Variants in VEPH1 observed in about 807,000 individuals in gnomAD.
VEPH1 encodes ventricular zone-expressed PH domain-containing protein homolog 1.
VEPH1 carries 80 observed loss-of-function variants against 85.2 expected under a neutral mutation model. That is an observed-to-expected ratio of 0.94 (90% confidence interval 0.78 to 1.13). The LOEUF is 1.13. VEPH1 is among the 50% of genes most tolerant of loss of function. The pLI is 0.00. For missense variants in VEPH1, 955 were observed against 980.5 expected, an observed-to-expected ratio of 0.97 and a Z score of 0.35; for synonymous variants, 297 against 348.0, an observed-to-expected ratio of 0.85 and a Z score of 1.63.
intron 12 of VEPH1, among the ~76,000 whole-genome samples, chr3:157,281,952 C>A (rs1367527167): frequency 6.6e-6 from 1 of 152,054 alleles, no homozygotes; most frequent in Non-Finnish European, 1.5e-5. Context: ...TGGGCTAGGT[C>A]CTCTCAGAGG....
At chr3:157,357,212 G>A (rs889387564) in intron 9 of VEPH1, among the ~76,000 whole-genome samples, 35 of 151,952 alleles carry the variant, frequency 2.3e-4, no homozygotes, top group African/African-American at 8.5e-4. Flanking sequence ...GCCTCTATTT[G>A]TTAGCAAGGT....
chr3:157,500,500 T>A (rs1318057180), intron 1 of VEPH1, among the ~76,000 whole-genome samples: 2 of 152,188 alleles, frequency 1.3e-5, no homozygotes. Context: ...TGGTGATCAA[T>A]CATATTTTTA....
chr3:157,393,657 TAA>T (rs1305147305), intron 6 of VEPH1, among the ~76,000 whole-genome samples: 1 of 152,126 alleles, frequency 6.6e-6, no homozygotes. Flanking sequence ...ATAATATATA[TAA>T]ATATATGTAA....
At chr3:157,304,158 G>A (rs948077229) in intron 11 of VEPH1, among the ~76,000 whole-genome samples, 6 of 151,548 alleles carry the variant, frequency 4.0e-5, no homozygotes, top group Non-Finnish European at 7.4e-5. Context: ...GCCTGTGGGA[G>A]CATCAGAAAG....
At chr3:157,398,534 T>C (rs1258834192) in intron 6 of VEPH1, among the ~76,000 whole-genome samples, 2 of 151,798 alleles carry the variant, frequency 1.3e-5, no homozygotes, top group Non-Finnish European at 2.9e-5. Flanking sequence ...CTTAGGGGGC[T>C]GAGGCAGAAG....
At chr3:157,386,248 C>CCCAA (rs1553776409) in intron 6 of VEPH1, among the ~76,000 whole-genome samples, 27 of 11,886 alleles carry the variant, frequency 2.3e-3, no homozygotes, top group Middle Eastern at 0.031. Flanking sequence ...AAAATGGTTC[C>CCCAA]ACAAAAAAAA....
chr3:157,346,436 A>G (rs1178825813), intron 9 of VEPH1, among the ~76,000 whole-genome samples: 1 of 152,190 alleles, frequency 6.6e-6, no homozygotes, highest in African/African-American at 2.4e-5. Context: ...TAAGCCCCAA[A>G]TGTTTGAAAG....
At position 157,470,524 on chromosome 3, in the gene VEPH1, G is replaced by C. The variant is rs2109463534; in HGVS notation, c.144C>G (p.Tyr48Ter). The C allele has an allele frequency of 6.2e-7, 1 of 1,613,884 alleles. No homozygotes were observed. The highest frequency in any genetic ancestry group is 2.2e-5 in the East Asian group (1 of 44,906). Residue 48 changes from tyrosine to a stop codon, truncating the protein, a stop_gained, in exon 3 of 14, where the codon TAC (tyrosine) becomes TAG (stop). Coordinates refer to ENST00000362010, the MANE Select transcript of VEPH1 (RefSeq NM_001167912.2). LOFTEE classifies it high-confidence loss of function. ...CTGCCTGGTCATTGTTATTGGTTTG[G>C]TAATCCTGTTTGGAAAGAAAATCTT... Reference protein sequence around the residue: ...QIKIISSSSDYQTNNNDQAVV... With the variant: ...QIKIISSSSD
At chr3:157,276,975 C>T (rs888227995) in intron 12 of VEPH1, among the ~76,000 whole-genome samples, 2 of 151,728 alleles carry the variant, frequency 1.3e-5, no homozygotes, top group East Asian at 1.9e-4. Flanking sequence ...CTCACTGCAA[C>T]GTCTGGCTCC....
chr3:157,329,284 C>T (rs1160591721), intron 9 of VEPH1, among the ~76,000 whole-genome samples: 1 of 152,162 alleles, frequency 6.6e-6, no homozygotes, highest in Non-Finnish European at 1.5e-5. Context: ...AAGTGATTGA[C>T]CCATCAAATC....
intron 4 of VEPH1, chr3:157,437,852 G>C (rs1373413001): frequency 2.0e-6 from 3 of 1,497,850 alleles, no homozygotes; most frequent in Non-Finnish European, 2.6e-6. Context: ...GAGGAGCTGC[G>C]GCAGACGCGA....
At chr3:157,306,927 A>G (rs1306430742) in intron 11 of VEPH1, among the ~76,000 whole-genome samples, 1 of 151,972 alleles carries the variant, frequency 6.6e-6, no homozygotes, top group Non-Finnish European at 1.5e-5. Flanking sequence ...TCCCACTTAC[A>G]AGTGAGAAAA....
chr3:157,481,465 CA>C (rs1553796737), intron 2 of VEPH1, among the ~76,000 whole-genome samples: 1,127 of 63,210 alleles, frequency 0.018, 27 homozygotes, highest in African/African-American at 0.047. Flanking sequence ...CACACACACA[CA>C]AAAAAAAAAA....
At chr3:157,338,857 C>G (rs916170058) in intron 9 of VEPH1, among the ~76,000 whole-genome samples, 39 of 152,200 alleles carry the variant, frequency 2.6e-4, no homozygotes, top group Non-Finnish European at 4.4e-5. Context: ...AGACTTGTCC[C>G]TTGCTCCTCA....
chr3:157,442,995 A>C (rs1734260631), intron 4 of VEPH1: 3 of 1,572,802 alleles, frequency 1.9e-6, no homozygotes, highest in Middle Eastern at 1.7e-4. Context: ...GTGAAACTCC[A>C]CTTGAAGCCA....
rs1320017686 is a variant in VEPH1 at position 157,317,091 on chromosome 3, A to T, written c.1846T>A (p.Trp616Arg). 3 of 1,613,608 alleles carry T rather than the reference A, an allele frequency of 1.9e-6. No homozygotes were observed. In the South Asian group the frequency reaches 3.3e-5, roughly 18 times the overall value. Residue 616 changes from tryptophan (W) to arginine (R), a missense_variant, in exon 10 of 14, where the codon TGG becomes AGG. Trp to Arg is a moderately radical substitution (Grantham distance 101). Coordinates refer to ENST00000362010, the MANE Select transcript of VEPH1 (RefSeq NM_001167912.2). The stretch of plus-strand genomic sequence containing the variant: ...TGAAATAGAAACATGATCTGGATCC[A>T]TGGCTGAGGTTCTTGGCTGATGAGA... ...FILISQEPQP[W>R]IQIMFLFQQS...
At chr3:157,331,637 A>G (rs1391672001) in intron 9 of VEPH1, among the ~76,000 whole-genome samples, 5 of 152,242 alleles carry the variant, frequency 3.3e-5, no homozygotes, top group African/African-American at 9.6e-5. Context: ...AGCATAGCAC[A>G]GTAAATTTGC....
intron 6 of VEPH1, among the ~76,000 whole-genome samples, chr3:157,409,094 A>G (rs1157335620): frequency 6.6e-6 from 1 of 151,576 alleles, no homozygotes; most frequent in Non-Finnish European, 1.5e-5. Context: ...AAATCCATCA[A>G]GCATTTTTTT....
At chr3:157,295,567 A>G (rs1255546052) in intron 11 of VEPH1, among the ~76,000 whole-genome samples, 1 of 140,298 alleles carries the variant, frequency 7.1e-6, no homozygotes, top group Non-Finnish European at 1.6e-5. Context: ...GGAATTTTAA[A>G]TGTCTCCATT....
Sources: allele counts gnomAD v4.1 joint callset (sites outside exome capture counted in the v4.1 genomes callset), GRCh38; gene constraint gnomAD v4.1.1; transcripts MANE v1.5; gene names NCBI Gene and HGNC (gene_info 2026-07-23, HGNC 2026-07-21).